FSTL5: variants seen among roughly 807,000 people sequenced by gnomAD.
FSTL5 encodes the protein follistatin like 5.
FSTL5 carries 62 observed loss-of-function variants against 89.1 expected under a neutral mutation model. That is an observed-to-expected ratio of 0.70 (90% CI 0.57 to 0.86). The LOEUF (loss-of-function observed/expected upper bound fraction) is 0.86. FSTL5 is among the 40% of genes least tolerant of loss of function. The pLI, the probability that FSTL5 is intolerant of heterozygous loss-of-function variation, is 0.00. For synonymous variants in FSTL5, 383 were observed against 346.2 expected (o/e 1.11, Z -1.18); for missense variants, 1,057 against 1,001.6 (o/e 1.06, Z -0.75).
chr4:161,513,804 A>G (rs1285065851), intron 10 of FSTL5, among the ~76,000 whole-genome samples: 2 of 152,142 alleles, frequency 1.3e-5, no homozygotes, highest in South Asian at 2.1e-4. Context: ...ACACGGAAAC[A>G]TGAAAGAGAA....
chr4:162,032,900 G>C (rs1298923451), intron 3 of FSTL5: 1 of 152,172 alleles, frequency 6.6e-6, no homozygotes, highest in Non-Finnish European at 1.5e-5. Flanking sequence ...TTGGGGCCGG[G>C]ATGCCTTTGG....
chr4:161,480,387 C>G (rs1369948930), intron 13 of FSTL5, among the ~76,000 whole-genome samples: 2 of 152,170 alleles, frequency 1.3e-5, no homozygotes, highest in African/African-American at 2.4e-5. Context: ...TGACTGGACA[C>G]CAACCCTGTA....
At chr4:162,100,169 G>T (rs1046730248) in intron 2 of FSTL5, among the ~76,000 whole-genome samples, 3 of 152,214 alleles carry the variant, frequency 2.0e-5, no homozygotes, top group African/African-American at 7.2e-5. Context: ...AAGCAACCAA[G>T]ATGTTCTTCA....
intron 2 of FSTL5, among the ~76,000 whole-genome samples, chr4:162,044,354 C>CT (rs1193750152): frequency 6.6e-6 from 1 of 152,052 alleles, no homozygotes; most frequent in African/African-American, 2.4e-5. Context: ...TAAAAGGAAT[C>CT]TTTTTTCTGA....
chr4:161,822,889 G>T (rs1364503090), intron 4 of FSTL5, among the ~76,000 whole-genome samples: 2 of 152,142 alleles, frequency 1.3e-5, no homozygotes, highest in East Asian at 1.9e-4. Context: ...GCTCCTTTCT[G>T]CAGGCAGGTT....
chr4:161,769,310 G>A (rs1741126807), intron 5 of FSTL5, among the ~76,000 whole-genome samples: 2 of 151,886 alleles, frequency 1.3e-5, no homozygotes, highest in South Asian at 4.1e-4. Flanking sequence ...ATTAGAAGAG[G>A]AAGGAAAACT....
intron 6 of FSTL5, among the ~76,000 whole-genome samples, chr4:161,713,809 G>C (rs1458585918): frequency 6.6e-6 from 1 of 151,886 alleles, no homozygotes; most frequent in African/African-American, 2.4e-5. Flanking sequence ...AGCCTCATAG[G>C]TTTCTGTAAT....
At chr4:162,029,308 T>C (rs1737426997) in intron 3 of FSTL5, among the ~76,000 whole-genome samples, 1 of 152,100 alleles carries the variant, frequency 6.6e-6, no homozygotes, top group Non-Finnish European at 1.5e-5. Flanking sequence ...CATAAGAATA[T>C]TTGCTTTATA....
intron 4 of FSTL5, among the ~76,000 whole-genome samples, chr4:161,783,980 G>C (rs1161890106): frequency 6.6e-6 from 1 of 150,934 alleles, no homozygotes; most frequent in Non-Finnish European, 1.5e-5. Context: ...CTGTCGCCCA[G>C]GTTACAGTGC....
intron 13 of FSTL5, among the ~76,000 whole-genome samples, chr4:161,479,032 G>A (rs934755477): frequency 2.0e-5 from 3 of 151,962 alleles, no homozygotes; most frequent in African/African-American, 7.2e-5. Flanking sequence ...CTTCAAATAG[G>A]TAGTATCTAG....
chr4:161,942,685 G>GA lies in FSTL5; in HGVS notation c.161-22034dup, dbSNP rs200912735. On this transcript the variant is annotated intron_variant, in intron 3 of 15. Transcript: ENST00000306100. ...TAACTGTCACACAAATTCCAGGGGGGAAAAAACCCTGCAGACCAATATTCT... is the reference window on the plus strand; with the variant it reads ...TAACTGTCACACAAATTCCAGGGGGGAAAAAAACCCTGCAGACCAATATTCT... Among the ~76,000 whole-genome samples the GA allele has an allele frequency of 4.3e-3, 655 of 151,766 alleles. 4 individuals carry two copies. The highest frequency in any genetic ancestry group is 0.015 in the African/African-American group (623 of 41,454).
chr4:161,503,419 T>A (rs889882994), intron 11 of FSTL5, among the ~76,000 whole-genome samples: 2 of 151,900 alleles, frequency 1.3e-5, no homozygotes, highest in Admixed American at 6.6e-5. Flanking sequence ...TTTCCCAGAA[T>A]CCTTGAGCCA....
At chr4:161,615,219 G>A (rs1015113909) in intron 7 of FSTL5, among the ~76,000 whole-genome samples, 2 of 149,894 alleles carry the variant, frequency 1.3e-5, no homozygotes, top group East Asian at 2.0e-4. Context: ...GCGTGAACCC[G>A]GGAGGCGGAG....
chr4:161,425,102 TTTGTCTTTTGCAGAAA>T (rs1732126590), intron 15 of FSTL5, among the ~76,000 whole-genome samples: 1 of 152,200 alleles, frequency 6.6e-6, no homozygotes, highest in Non-Finnish European at 1.5e-5. Flanking sequence ...TGGTTGTAAT[TTTGTCTTTTGCAGAAA>T]TTGTCAGAAT....
intron 4 of FSTL5, among the ~76,000 whole-genome samples, chr4:161,841,470 T>C (rs943129682): frequency 6.6e-6 from 1 of 152,156 alleles, no homozygotes; most frequent in African/African-American, 2.4e-5. Flanking sequence ...AGGCTCCTTA[T>C]ATAATATTTG....
intron 12 of FSTL5, among the ~76,000 whole-genome samples, chr4:161,493,797 G>T (rs1014724450): frequency 2.0e-5 from 3 of 152,004 alleles, no homozygotes; most frequent in Non-Finnish European, 2.9e-5. Flanking sequence ...TATTATCTGA[G>T]ACACACAACA....
At chr4:161,456,983 G>A (rs1022007541) in intron 14 of FSTL5, among the ~76,000 whole-genome samples, 4 of 152,042 alleles carry the variant, frequency 2.6e-5, no homozygotes, top group Non-Finnish European at 4.4e-5. Flanking sequence ...CTAAAAAAAC[G>A]TAGAGACTTA....
chr4:162,122,631 C>A (rs1198692394), intron 1 of FSTL5, among the ~76,000 whole-genome samples: 1 of 151,984 alleles, frequency 6.6e-6, no homozygotes, highest in Non-Finnish European at 1.5e-5. Flanking sequence ...GGAACAACAT[C>A]TGTATGTCAT....
intron 6 of FSTL5, among the ~76,000 whole-genome samples, chr4:161,753,240 A>G (rs1345287830): frequency 6.6e-6 from 1 of 152,144 alleles, no homozygotes; most frequent in East Asian, 1.9e-4. Context: ...GTATTTTTTA[A>G]AAATATACCA....
Sources: gnomAD v4.1 joint callset for allele counts (sites outside exome capture counted in the v4.1 genomes callset) on GRCh38, gnomAD v4.1.1 for gene constraint, MANE v1.5 for transcripts, NCBI Gene and HGNC (gene_info 2026-07-23, HGNC 2026-07-21) for gene names.